ESRRG: variants seen among roughly 807,000 people sequenced by gnomAD.
The protein encoded by ESRRG is estrogen related receptor gamma, also known as estrogen-related receptor gamma.
A neutral mutation model predicts 44.0 loss-of-function variants in ESRRG; 13 were observed. That is an observed-to-expected ratio of 0.30 (90% CI 0.19 to 0.47). The LOEUF (loss-of-function observed/expected upper bound fraction) is 0.47, where lower values mean the gene tolerates loss of function less well. ESRRG is among the 20% of genes least tolerant of loss of function. ESRRG has a pLI of 1.00. For missense variants in ESRRG, 395 were observed against 580.6 expected (o/e 0.68, Z 3.29); for synonymous variants, 215 against 214.6 (o/e 1.00, Z -0.02).
At chr1:216,754,010 A>T (rs201148884) in intron 2 of ESRRG, among the ~76,000 whole-genome samples, 3 of 152,004 alleles carry the variant, frequency 2.0e-5, no homozygotes, top group Non-Finnish European at 4.4e-5. Flanking sequence ...GCATTTGGTT[A>T]TCCTACCATT....
At chr1:216,643,141 G>A (rs1311006928) in intron 3 of ESRRG, among the ~76,000 whole-genome samples, 1 of 152,144 alleles carries the variant, frequency 6.6e-6, no homozygotes, top group Non-Finnish European at 1.5e-5. Context: ...ACAGCTCTGG[G>A]ATAATTTTTC....
intron 2 of ESRRG, among the ~76,000 whole-genome samples, chr1:216,918,370 C>G (rs756694177): frequency 1.3e-5 from 2 of 152,078 alleles, no homozygotes; most frequent in Admixed American, 6.5e-5. Flanking sequence ...CTTGCTGTCT[C>G]GGTCATCTGA....
intron 2 of ESRRG, among the ~76,000 whole-genome samples, chr1:216,795,476 G>A (rs1559667976): frequency 6.6e-6 from 1 of 151,058 alleles, no homozygotes; most frequent in Non-Finnish European, 1.5e-5. Flanking sequence ...GAGTAACTGG[G>A]ATTACAGGCA....
At chr1:217,053,028 G>A (rs1037009785) in intron 1 of ESRRG, among the ~76,000 whole-genome samples, 2 of 151,296 alleles carry the variant, frequency 1.3e-5, no homozygotes, top group African/African-American at 4.9e-5. Context: ...CCTTTACCAG[G>A]CACAATGTTG....
At chr1:216,794,958 A>T (rs1429883268) in intron 2 of ESRRG, among the ~76,000 whole-genome samples, 3 of 152,184 alleles carry the variant, frequency 2.0e-5, no homozygotes, top group Non-Finnish European at 4.4e-5. Context: ...TGACAACTAA[A>T]TACAGCTCAG....
At chr1:216,535,639 GCCACCTTGAAGATTTTGAT>G (rs947817521) in intron 5 of ESRRG, among the ~76,000 whole-genome samples, 23 of 151,884 alleles carry the variant, frequency 1.5e-4, no homozygotes, top group African/African-American at 5.6e-4. Flanking sequence ...ATCTGCTCTG[GCCACCTTGAAGATTTTGAT>G]CCACCAATTT....
At chr1:216,572,413 C>A (rs1210398581) in intron 3 of ESRRG, among the ~76,000 whole-genome samples, 2 of 151,990 alleles carry the variant, frequency 1.3e-5, no homozygotes, top group African/African-American at 4.8e-5. Flanking sequence ...ATTTGTGCAA[C>A]TTTGAAAATA....
chr1:217,009,222 G>C (rs904209558), intron 1 of ESRRG, among the ~76,000 whole-genome samples: 5 of 152,058 alleles, frequency 3.3e-5, no homozygotes, highest in African/African-American at 1.2e-4. Context: ...CCAGCACAAT[G>C]CAGGGCCCAC....
intron 2 of ESRRG, among the ~76,000 whole-genome samples, chr1:216,655,896 A>G (rs1181139909): frequency 6.6e-6 from 1 of 152,140 alleles, no homozygotes; most frequent in Non-Finnish European, 1.5e-5. Context: ...GTGCCCTTGA[A>G]AAACCTTCCC....
chr1:217,131,520 T>C (rs975532355), intron 1 of ESRRG, among the ~76,000 whole-genome samples: 4 of 152,212 alleles, frequency 2.6e-5, no homozygotes, highest in South Asian at 2.1e-4. Context: ...GCTGTTATTG[T>C]AAGGAAATTT....
intron 1 of ESRRG, among the ~76,000 whole-genome samples, chr1:217,050,747 C>A (rs1373512102): frequency 6.6e-6 from 1 of 152,128 alleles, no homozygotes; most frequent in Non-Finnish European, 1.5e-5. Flanking sequence ...CAAATGGTCA[C>A]AGCAGATAGA....
At chr1:216,629,399 G>C (rs1449948636) in intron 3 of ESRRG, among the ~76,000 whole-genome samples, 1 of 152,220 alleles carries the variant, frequency 6.6e-6, no homozygotes, top group African/African-American at 2.4e-5. Context: ...GGTTTATATG[G>C]ATATAAGACA....
intron 6 of ESRRG, among the ~76,000 whole-genome samples, chr1:216,509,594 AG>A (rs1233040793): frequency 1.3e-5 from 2 of 152,216 alleles, no homozygotes; most frequent in Non-Finnish European, 2.9e-5. Context: ...AAATGAGACA[AG>A]AACAAATAGC....
intron 2 of ESRRG, among the ~76,000 whole-genome samples, chr1:216,834,948 T>C (rs1185904127): frequency 4.6e-5 from 7 of 152,042 alleles, no homozygotes; most frequent in African/African-American, 1.5e-4. Flanking sequence ...TGAAGTACAG[T>C]AGGGAGGCAG....
intron 2 of ESRRG, among the ~76,000 whole-genome samples, chr1:216,777,916 A>G (rs1190088499): frequency 2.6e-5 from 4 of 152,156 alleles, no homozygotes; most frequent in Non-Finnish European, 4.4e-5. Context: ...GAAGACAACC[A>G]GGCTTGCTAT....
chr1:216,877,558 C>A (rs2149279614), intron 2 of ESRRG, among the ~76,000 whole-genome samples: 1 of 152,042 alleles, frequency 6.6e-6, no homozygotes, highest in Non-Finnish European at 1.5e-5. Context: ...CACGCACCAC[C>A]ATACCTGGCT....
intron 1 of ESRRG, among the ~76,000 whole-genome samples, chr1:216,697,892 T>C (rs984493002): frequency 2.6e-5 from 4 of 152,190 alleles, no homozygotes; most frequent in African/African-American, 9.7e-5. Flanking sequence ...AAATGACTAC[T>C]ATGAATAAAG....
intron 2 of ESRRG, among the ~76,000 whole-genome samples, chr1:216,907,034 A>G (rs558049672): frequency 1.3e-5 from 2 of 152,294 alleles, no homozygotes; most frequent in East Asian, 3.9e-4. Context: ...TTAATTTGGA[A>G]CACTGAAAAA....
intron 1 of ESRRG, among the ~76,000 whole-genome samples, chr1:217,049,509 CA>C (rs925710655): frequency 6.6e-6 from 1 of 152,168 alleles, no homozygotes; most frequent in Non-Finnish European, 1.5e-5. Flanking sequence ...CTATGCCTAT[CA>C]AGGGGAGAAA....
Sources: allele counts gnomAD v4.1 joint callset (sites outside exome capture counted in the v4.1 genomes callset), GRCh38; gene constraint gnomAD v4.1.1; transcripts MANE v1.5; gene names NCBI Gene and HGNC (gene_info 2026-07-23, HGNC 2026-07-21).